Variants in SNX30 observed in about 807,000 individuals in gnomAD.
The protein encoded by SNX30 is sorting nexin family member 30.
SNX30 carries 24 observed loss-of-function variants against 46.4 expected under a neutral mutation model. The ratio of observed to expected loss-of-function variants is 0.52; its 90% confidence interval spans 0.37 to 0.73. SNX30 has a LOEUF of 0.73. SNX30 is among the 30% of genes least tolerant of loss of function. SNX30 has a pLI of 0.00. For synonymous variants in SNX30, 189 were observed against 211.5 expected (o/e 0.89, Z 0.92); for missense variants, 533 against 555.7 (o/e 0.96, Z 0.41).
chr9:112,857,744 G>A (rs1841157199), intron 7 of SNX30, among the ~76,000 whole-genome samples: 1 of 151,700 alleles, frequency 6.6e-6, no homozygotes, highest in Non-Finnish European at 1.5e-5. Context: ...CACATGGAAG[G>A]AGCTCAGTAA....
intron 1 of SNX30, among the ~76,000 whole-genome samples, chr9:112,756,161 C>G (rs1839345141): frequency 6.6e-6 from 1 of 152,142 alleles, no homozygotes; most frequent in East Asian, 1.9e-4. Flanking sequence ...TTGGAAGCCC[C>G]CTCTGTGCCT....
chr9:112,835,346 C>T (rs1379069946), intron 4 of SNX30, among the ~76,000 whole-genome samples: 4 of 152,094 alleles, frequency 2.6e-5, no homozygotes, highest in African/African-American at 9.7e-5. Flanking sequence ...TTCTTTTTTG[C>T]CCAGGCTGGA....
intron 8 of SNX30, among the ~76,000 whole-genome samples, chr9:112,868,426 G>A (rs573381713): frequency 6.6e-6 from 1 of 152,126 alleles, no homozygotes; most frequent in Non-Finnish European, 1.5e-5. Flanking sequence ...CATCCCTGCC[G>A]AGATTCTAGG....
intron 8 of SNX30, among the ~76,000 whole-genome samples, chr9:112,867,015 C>T (rs1185682364): frequency 4.7e-5 from 7 of 148,706 alleles, no homozygotes; most frequent in Non-Finnish European, 7.6e-5. Context: ...CTCCTCCCCC[C>T]TCCTCAGAAT....
At chr9:112,865,338 G>A (rs2131508525) in intron 8 of SNX30, among the ~76,000 whole-genome samples, 1 of 152,028 alleles carries the variant, frequency 6.6e-6, no homozygotes, top group Middle Eastern at 3.4e-3. Context: ...GCAAACCAGT[G>A]CGAGGCCAGG....
At chr9:112,774,931 G>T (rs1325070481) in intron 1 of SNX30, among the ~76,000 whole-genome samples, 3 of 143,874 alleles carry the variant, frequency 2.1e-5, no homozygotes, top group African/African-American at 7.8e-5. Flanking sequence ...TGCAACCTCT[G>T]CCTCCTGGGT....
At chr9:112,850,752 G>T in intron 6 of SNX30, 107 bp from the exon 7 acceptor site, 1 of 747,884 alleles carries the variant, frequency 1.3e-6, no homozygotes, top group African/African-American at 1.7e-5. Context: ...TGGGCCTGGG[G>T]TAGGCCTTGA....
chr9:112,828,171 C>G (rs540177749), intron 3 of SNX30, among the ~76,000 whole-genome samples: 34 of 152,330 alleles, frequency 2.2e-4, no homozygotes, highest in African/African-American at 8.2e-4. Context: ...GCGAACTATA[C>G]AGGTGTGTAC....
intron 1 of SNX30, among the ~76,000 whole-genome samples, chr9:112,760,140 G>T (rs1048190768): frequency 6.6e-6 from 1 of 152,150 alleles, no homozygotes; most frequent in Admixed American, 6.5e-5. Context: ...GTGGTAAATT[G>T]ACCCAGAGAG....
chr9:112,812,365 C>G (rs900525376), intron 2 of SNX30, among the ~76,000 whole-genome samples: 1 of 152,132 alleles, frequency 6.6e-6, no homozygotes, highest in East Asian at 1.9e-4. Flanking sequence ...AAGCAATTCT[C>G]CTGCCTCAGC....
intron 7 of SNX30, among the ~76,000 whole-genome samples, chr9:112,863,044 A>G (rs1437666933): frequency 2.0e-5 from 3 of 152,132 alleles, no homozygotes; most frequent in Non-Finnish European, 4.4e-5. Context: ...TGCCTTGGCC[A>G]TGTCTCTTCC....
In SNX30 at chr9:112,757,380, G is replaced by A. The variant is rs558004205; in HGVS notation, c.156+6223G>A. The stretch of plus-strand genomic sequence containing the variant: ...GTTTTGTGTGTACACACACAGTACA[G>A]TTTCTCTATCTGTTCGTCCATTGAG... On this transcript the variant is annotated intron_variant, in intron 1 of 8. Transcript: ENST00000374232. Among the ~76,000 whole-genome samples the A allele has an allele frequency of 4.6e-5, 7 of 152,306 alleles. No homozygotes were observed. The South Asian group carries it at 1.5e-3, about 32-fold the overall frequency.
intron 1 of SNX30, among the ~76,000 whole-genome samples, chr9:112,767,919 T>G (rs1839573173): frequency 6.6e-6 from 1 of 152,236 alleles, no homozygotes; most frequent in Non-Finnish European, 1.5e-5. Context: ...TCTTTAATGT[T>G]GCTCTTCATT....
intron 1 of SNX30, among the ~76,000 whole-genome samples, chr9:112,795,650 T>A (rs900381473): frequency 2.0e-5 from 3 of 152,022 alleles, no homozygotes; most frequent in Non-Finnish European, 4.4e-5. Context: ...TGTGGGCTGT[T>A]CCTGGAAGGT....
In SNX30 at chr9:112,869,732, T is replaced by G. The variant is rs935633011; in HGVS notation, c.*889T>G. The G allele has an allele frequency of 2.6e-5, 4 of 152,000 alleles. No homozygotes were observed. The highest frequency in any genetic ancestry group is 5.9e-5 in the Non-Finnish European group (4 of 67,994). The allele number at this position is 152,000 out of a possible 1,614,324, so 9.4% of individuals were successfully genotyped here. On this transcript the variant is annotated 3_prime_UTR_variant, in exon 9 of 9. Coordinates refer to ENST00000374232, the MANE Select transcript of SNX30 (RefSeq NM_001012994.2). ...TCTTGAAGTCAGAGTAGCTCCCCAT[T>G]GTTGAGATCAGTGGGCATATACCAA...
chr9:112,823,165 G>C lies in SNX30; in HGVS notation c.459+5350G>C, dbSNP rs76066567. 3.1e-3 allele frequency among the ~76,000 whole-genome samples: 465 copies of C among 152,276 alleles called. 4 individuals are homozygous for C. Among genetic ancestry groups the C allele is most frequent in the African/African-American group, 0.01 (436 of 41,554 alleles). On this transcript the variant is annotated intron_variant, in intron 3 of 8. Transcript: ENST00000374232. ...AGCCTGGGCAACACAGTGACACCTT[G>C]TTTCTAAATTTTATTATAGGTGTGT... is the stretch of plus-strand genomic sequence containing the variant.
intron 1 of SNX30, among the ~76,000 whole-genome samples, chr9:112,793,093 C>T (rs1840052740): frequency 6.6e-6 from 1 of 152,164 alleles, no homozygotes; most frequent in Non-Finnish European, 1.5e-5. Flanking sequence ...GATAATAATT[C>T]AGACCTGCTA....
At chr9:112,765,520 A>G (rs868313108) in intron 1 of SNX30, among the ~76,000 whole-genome samples, 1 of 152,118 alleles carries the variant, frequency 6.6e-6, no homozygotes, top group African/African-American at 2.4e-5. Context: ...TATTCTGGAC[A>G]TTTCATATAA....
chr9:112,867,303 A>ACTCCTCCCACCTCCTCAGAATTC (rs1841373339), intron 8 of SNX30, among the ~76,000 whole-genome samples: 1 of 139,292 alleles, frequency 7.2e-6, no homozygotes, highest in East Asian at 2.2e-4. Context: ...CCTCCTCAGA[A>ACTCCTCCCACCTCCTCAGAATTC]CTCCTCCCAC....
Sources: gnomAD v4.1 joint callset for allele counts (sites outside exome capture counted in the v4.1 genomes callset) on GRCh38, gnomAD v4.1.1 for gene constraint, MANE v1.5 for transcripts, NCBI Gene and HGNC (gene_info 2026-07-23, HGNC 2026-07-21) for gene names.